SGSM3: variants seen among roughly 807,000 people sequenced by gnomAD.
SGSM3 encodes the protein small G protein signaling modulator 3.
Under a neutral mutation model 100.5 loss-of-function variants are expected in SGSM3, and 96 were observed. The ratio of observed to expected loss-of-function variants is 0.96; its 90% CI spans 0.81 to 1.13. The LOEUF (loss-of-function observed/expected upper bound fraction) is 1.13. Among genes scored for constraint, SGSM3 ranks in the 50% most tolerant of loss-of-function variants. SGSM3 has a pLI of 0.00. For synonymous variants in SGSM3, 483 were observed against 422.8 expected (o/e 1.14, Z -1.75); for missense variants, 1,001 against 1,015.8 (o/e 0.99, Z 0.20).
intron 1 of SGSM3, among the ~76,000 whole-genome samples, chr22:40,382,623 C>G (rs2047749981): frequency 6.6e-6 from 1 of 152,164 alleles, no homozygotes; most frequent in African/African-American, 2.4e-5. Context: ...ACCATATTCT[C>G]TTGGTTAAGG....
At position 40,406,416 on chromosome 22, in the gene SGSM3, A is replaced by G. The variant is rs781498726; in HGVS notation, c.961-22A>G. 1.9e-6 allele frequency: 3 copies of G among 1,547,206 alleles called. No individual in the cohort carries two copies. The Admixed American group carries it at 5.5e-5, about 29-fold the overall frequency. ...CCTGCAATGACAACCTTCTTCCCCC[A>G]TCCTGCCCTGGCATGGCCCAGGAGG... On this transcript the variant is annotated intron_variant, in intron 9 of 21. Coordinates refer to ENST00000248929, the MANE Select transcript of SGSM3 (RefSeq NM_015705.6).
chr22:40,371,335 T>C (rs2045426939), intron 1 of SGSM3, among the ~76,000 whole-genome samples: 1 of 152,246 alleles, frequency 6.6e-6, no homozygotes. Context: ...CAAAGGTTGT[T>C]TTCAGTGACT....
At chr22:40,396,357 C>T (rs759512107) in intron 1 of SGSM3, among the ~76,000 whole-genome samples, 3 of 151,848 alleles carry the variant, frequency 2.0e-5, no homozygotes, top group African/African-American at 2.4e-5. Context: ...TTTGGGAGGC[C>T]GAGGCGGGTG....
chr22:40,404,343 A>G lies in SGSM3; in HGVS notation c.254A>G (p.His85Arg). 1 of 1,601,048 alleles carries G rather than the reference A, an allele frequency of 6.2e-7. No individual in the cohort carries two copies. Among genetic ancestry groups the G allele is most frequent in the East Asian group, 2.2e-5 (1 of 44,782 alleles). ...TGGCAGGCCCACCTGGAGTTCACCC[A>G]TAACCACGATGTGGGGGATCTCACC... ...LRWQAHLEFT[H>R]NHDVGDLTWD... is the part of the protein sequence containing the mutation. Residue 85 changes from histidine (H) to arginine (R), a missense_variant, in exon 5 of 22, where the codon CAT becomes CGT. Transcript: ENST00000248929.
chr22:40,404,687 G>A (rs1340735946), intron 6 of SGSM3, 23 bp downstream of exon 6: 1 of 1,544,232 alleles, frequency 6.5e-7, no homozygotes, highest in Non-Finnish European at 8.9e-7. Context: ...GCACTGTGCA[G>A]GAAGAGCTGG....
At chr22:40,376,777 T>C (rs766913634) in intron 1 of SGSM3, among the ~76,000 whole-genome samples, 3 of 152,080 alleles carry the variant, frequency 2.0e-5, no homozygotes, top group Non-Finnish European at 4.4e-5. Context: ...ACCTTCATAG[T>C]TTTTTGTTTT....
intron 7 of SGSM3, 95 bp from the exon 8 acceptor site, chr22:40,405,554 A>T: frequency 8.5e-7 from 1 of 1,177,166 alleles, no homozygotes; most frequent in Non-Finnish European, 1.2e-6. Context: ...GCCCCCCAAG[A>T]GGCTTTTGCT....
At chr22:40,380,391 G>A (rs1040690874) in intron 1 of SGSM3, among the ~76,000 whole-genome samples, 11 of 142,192 alleles carry the variant, frequency 7.7e-5, no homozygotes, top group African/African-American at 2.9e-4. Flanking sequence ...TCCTGAGACA[G>A]GGTCTCACTC....
chr22:40,399,957 C>T (rs962295661), intron 1 of SGSM3, among the ~76,000 whole-genome samples: 2 of 152,244 alleles, frequency 1.3e-5, no homozygotes, highest in African/African-American at 4.8e-5. Context: ...GAGCTGCCCA[C>T]AGGAGCTATT....
In SGSM3 at chr22:40,405,125, G is replaced by A. The variant is rs185040346; in HGVS notation, c.475-16G>A. 1,597 of 1,487,070 alleles carry A rather than the reference G, an allele frequency of 1.1e-3. 3 individuals carry two copies. The highest frequency in any genetic ancestry group is 1.3e-3 in the Non-Finnish European group (1,503 of 1,116,206). 92.1% of individuals were successfully genotyped at this position (1,487,070 alleles called of 1,614,324 possible). ...ACAAGGTCTTGTTATTGTGGGTGCCGATGGCTGCCTGACAGATCGAGAAGG... is the reference window on the plus strand; with the variant it reads ...ACAAGGTCTTGTTATTGTGGGTGCCAATGGCTGCCTGACAGATCGAGAAGG... On this transcript the variant is annotated splice_polypyrimidine_tract_variant and intron_variant, in intron 6 of 21. Coordinates refer to ENST00000248929, the MANE Select transcript of SGSM3 (RefSeq NM_015705.6).
rs940365274 is a variant in SGSM3, at chr22:40,405,319, C to T, written c.618+35C>T. ...GCCCCAGAAAGGGCAGTGGCAGCCC[C>T]AGGACCCCCTCCAGGACCCTAACAA... On this transcript the variant is annotated intron_variant, in intron 7 of 21. Coordinates refer to ENST00000248929, the MANE Select transcript of SGSM3 (RefSeq NM_015705.6). 4 of 1,447,266 alleles carry T rather than the reference C, an allele frequency of 2.8e-6. No individual in the cohort carries two copies. The African/African-American group carries it at 4.4e-5, about 16-fold the overall frequency. 89.7% of individuals were successfully genotyped at this position (1,447,266 alleles called of 1,614,324 possible).
chr22:40,377,893 AGAG>A (rs1305894713), intron 1 of SGSM3, among the ~76,000 whole-genome samples: 1 of 152,024 alleles, frequency 6.6e-6, no homozygotes, highest in Non-Finnish European at 1.5e-5. Flanking sequence ...TTTAACCTGA[AGAG>A]GAGAGAAATC....
At chr22:40,403,874 G>A (rs1356442864) in intron 4 of SGSM3, among the ~76,000 whole-genome samples, 1 of 152,172 alleles carries the variant, frequency 6.6e-6, no homozygotes, top group Non-Finnish European at 1.5e-5. Context: ...ATGGTCAGGG[G>A]TGGTGAGACG....
intron 1 of SGSM3, among the ~76,000 whole-genome samples, chr22:40,392,841 T>C (rs1431266406): frequency 2.0e-5 from 3 of 152,232 alleles, no homozygotes; most frequent in Non-Finnish European, 4.4e-5. Context: ...ATTTCCTATC[T>C]GCCCTTCCCT....
chr22:40,401,716 G>A (rs371688782), intron 3 of SGSM3, 41 bp downstream of exon 3: 110 of 1,562,992 alleles, frequency 7.0e-5, no homozygotes, highest in Middle Eastern at 1.8e-4. Context: ...GTGCTCCCAC[G>A]CTGTGGTATG....
chr22:40,382,429 T>C (rs1199551078), intron 1 of SGSM3, among the ~76,000 whole-genome samples: 2 of 151,962 alleles, frequency 1.3e-5, no homozygotes, highest in African/African-American at 4.8e-5. Context: ...TGTCTTGGGG[T>C]TGATGGTGGC....
In SGSM3 at chr22:40,407,188, C is replaced by T; in HGVS notation, c.1241-13C>T. ...AGTGGGCTGTGGTCACCATGGTTCT[C>T]TGGGCCTCCTAGGGGAGGATGACCT... On this transcript the variant is annotated splice_polypyrimidine_tract_variant and intron_variant, in intron 11 of 21. Coordinates refer to ENST00000248929, the MANE Select transcript of SGSM3 (RefSeq NM_015705.6). The surrounding 1 kb of genome is among the most constrained non-coding windows in gnomAD (Gnocchi z 4.7). 6.2e-7 allele frequency: 1 copy of T among 1,613,438 alleles called. No individual in the cohort carries two copies. The highest frequency in any genetic ancestry group is 1.1e-5 in the South Asian group (1 of 91,060).
intron 1 of SGSM3, among the ~76,000 whole-genome samples, chr22:40,376,699 T>C (rs1281515220): frequency 6.9e-6 from 1 of 145,906 alleles, no homozygotes; most frequent in African/African-American, 2.6e-5. Flanking sequence ...GAAACAGTAA[T>C]TTGCTAAAGA....
chr22:40,392,991 C>T (rs991042256), intron 1 of SGSM3, among the ~76,000 whole-genome samples: 7 of 152,232 alleles, frequency 4.6e-5, no homozygotes, highest in Non-Finnish European at 8.8e-5. Context: ...AAGGTTCATT[C>T]ATGTTGTAGC....
Sources: gnomAD v4.1 joint callset for allele counts (sites outside exome capture counted in the v4.1 genomes callset) on GRCh38, gnomAD v4.1.1 for gene constraint, Gnocchi (gnomAD v3.1) non-coding constraint, MANE v1.5 for transcripts, NCBI Gene and HGNC (gene_info 2026-07-23, HGNC 2026-07-21) for gene names.